The following SASS6 variants were observed in gnomAD, a reference collection of about 807,000 sequenced individuals.
SASS6 encodes the protein SAS-6 centriolar assembly protein, also known as spindle assembly abnormal protein 6 homolog.
A neutral mutation model predicts 94.9 loss-of-function variants in SASS6; 59 were observed. That is an observed-to-expected ratio of 0.62 (90% CI 0.50 to 0.77). The LOEUF (loss-of-function observed/expected upper bound fraction) is 0.77, where lower values mean the gene tolerates loss of function less well. Among genes scored for constraint, SASS6 ranks in the 30% least tolerant of loss-of-function variants. The pLI is 0.00. For synonymous variants in SASS6, 264 were observed against 270.0 expected, an observed-to-expected ratio of 0.98 and a Z score of 0.22; for missense variants, 698 against 734.1, an observed-to-expected ratio of 0.95 and a Z score of 0.57.
At chr1:100,094,129 T>C (rs1363192455) in intron 14 of SASS6, among the ~76,000 whole-genome samples, 1 of 152,134 alleles carries the variant, frequency 6.6e-6, no homozygotes, top group African/African-American at 2.4e-5. Context: ...AAAGAGAGGA[T>C]GTTACAGCAG....
intron 1 of SASS6, among the ~76,000 whole-genome samples, chr1:100,126,948 A>G (rs1253095921): frequency 6.6e-6 from 1 of 152,224 alleles, no homozygotes; most frequent in East Asian, 1.9e-4. Context: ...CCACAGAAGT[A>G]TTATCAACAA....
chr1:100,101,962 T>C (rs1165076883), intron 14 of SASS6, among the ~76,000 whole-genome samples: 1 of 152,208 alleles, frequency 6.6e-6, no homozygotes, highest in African/African-American at 2.4e-5. Flanking sequence ...ATTTTATCTT[T>C]TATACAATAT....
In SASS6 at chr1:100,105,832, T is replaced by G. The variant is rs747332016; in HGVS notation, c.1480A>C (p.Thr494Pro). The G allele has an allele frequency of 6.2e-7, 1 of 1,612,908 alleles. No homozygotes were observed. Among genetic ancestry groups the G allele is most frequent in the Admixed American group, 1.7e-5 (1 of 59,936 alleles). ...CTGCTGGAATGTGCAGGCGGAGTAG[T>G]AGAAGGTCCCAATACATCTTGCTTT... The part of the protein sequence containing the change: ...VRKQDVLGPS[T>P]TPPAHSSSNT... Residue 494 changes from threonine (T) to proline (P), a missense_variant, in exon 13 of 17, where the codon ACT becomes CCT. Thr to Pro is a conservative substitution (Grantham distance 38). Coordinates refer to ENST00000287482, the MANE Select transcript of SASS6 (RefSeq NM_194292.3).
intron 13 of SASS6, among the ~76,000 whole-genome samples, chr1:100,104,934 C>T (rs552930334): frequency 6.6e-6 from 1 of 152,024 alleles, no homozygotes; most frequent in African/African-American, 2.4e-5. Flanking sequence ...GCCTCGGCAA[C>T]AGAGTGAGGT....
chr1:100,132,731 T>C lies in SASS6; in HGVS notation c.65+19A>G. ...GACCCCAACCGCCACCCGCGGGCAC[T>C]GGATGACGCGGACCTTACCTCTCCT... On this transcript the variant is annotated intron_variant, in intron 1 of 16. Transcript: ENST00000287482. 6.2e-7 allele frequency: 1 copy of C among 1,608,704 alleles called. No individual in the cohort carries two copies. Among genetic ancestry groups the C allele is most frequent in the Non-Finnish European group, 8.5e-7 (1 of 1,175,376 alleles).
At chr1:100,094,759 G>A (rs142774225) in intron 14 of SASS6, among the ~76,000 whole-genome samples, 4 of 151,734 alleles carry the variant, frequency 2.6e-5, no homozygotes, top group Non-Finnish European at 2.9e-5. Context: ...CCAGCTACTC[G>A]GGAGGCTGCG....
At chr1:100,090,152 A>T (rs1651575383) in intron 14 of SASS6, among the ~76,000 whole-genome samples, 1 of 152,152 alleles carries the variant, frequency 6.6e-6, no homozygotes, top group South Asian at 2.1e-4. Flanking sequence ...ACTGGAAAGA[A>T]GGCAGGAAAA....
At chr1:100,118,969 G>A in intron 7 of SASS6, 49 bp downstream of exon 7, 1 of 1,363,654 alleles carries the variant, frequency 7.3e-7, no homozygotes. Flanking sequence ...TTAACAAAAT[G>A]ACTAACAGCA....
chr1:100,105,766 C>A lies in SASS6; in HGVS notation c.1545+1G>T. On this transcript the variant is annotated splice_donor_variant, in intron 13 of 16. Coordinates refer to ENST00000287482, the MANE Select transcript of SASS6 (RefSeq NM_194292.3). LOFTEE classifies it high-confidence loss of function. ...CACTCACATCTTGTTTTAAATCTTA[C>A]CACATTCAGGTTAGGAGAAATTCCA... The A allele has an allele frequency of 6.2e-7, 1 of 1,610,026 alleles. No homozygotes were observed. Among genetic ancestry groups the A allele is most frequent in the South Asian group, 1.1e-5 (1 of 90,184 alleles).
chr1:100,101,055 C>A (rs915275652), intron 14 of SASS6, among the ~76,000 whole-genome samples: 1 of 151,346 alleles, frequency 6.6e-6, no homozygotes, highest in African/African-American at 2.4e-5. Flanking sequence ...TAAGCAAATG[C>A]ATTAATTCAC....
rs764123099 is a variant in SASS6 at position 100,107,514 on chromosome 1, T to G, written c.1186A>C (p.Thr396Pro). Residue 396 changes from threonine (T) to proline (P), a missense_variant, in exon 11 of 17, where the codon ACT (threonine) becomes CCT (proline). Transcript: ENST00000287482. ...TTCAATTTCAACTTACCCATTAAAG[T>G]TTTCAGATCCCCTTGTAACTTCTTG... is the stretch of plus-strand genomic sequence containing the variant. Reference protein sequence around the residue: ...IIKKLQGDLKTLMGKLKLKNT... With the variant: ...IIKKLQGDLKPLMGKLKLKNT... 1 of 1,607,476 alleles carries G rather than the reference T, an allele frequency of 6.2e-7. No homozygotes were observed. The highest frequency in any genetic ancestry group is 1.7e-5 in the Admixed American group (1 of 59,544).
At chr1:100,103,190 G>A in intron 13 of SASS6, 107 bp from the exon 14 acceptor site, 1 of 666,572 alleles carries the variant, frequency 1.5e-6, no homozygotes, top group Non-Finnish European at 2.5e-6. Context: ...AATTAAGAGA[G>A]CACTATCTCA....
intron 1 of SASS6, among the ~76,000 whole-genome samples, chr1:100,131,255 A>ATC (rs370802550): frequency 0.13 from 20,253 of 151,656 alleles, 1,767 homozygotes; most frequent in African/African-American, 0.24. Context: ...CAGTGGCACA[A>ATC]ATAGTAGCTC....
chr1:100,130,045 T>C (rs1654885142), intron 1 of SASS6, among the ~76,000 whole-genome samples: 1 of 152,214 alleles, frequency 6.6e-6, no homozygotes, highest in Non-Finnish European at 1.5e-5. Context: ...TACCATGAAG[T>C]AGGTACTGTT....
At position 100,093,738 on chromosome 1, in the gene SASS6, G is replaced by A. The variant is rs1424593190; in HGVS notation, c.1675-5502C>T. Among the ~76,000 whole-genome samples the A allele has an allele frequency of 1.0e-3, 159 of 152,042 alleles. 1 individual carries two copies. Among genetic ancestry groups the A allele is most frequent in the Non-Finnish European group, 7.4e-5 (5 of 67,982 alleles). ...ATCATGCCACTGTACTCCAGTCTGGGGGACACAGTGTGACCCTGTCTCAAA... is the reference window on the plus strand; with the variant it reads ...ATCATGCCACTGTACTCCAGTCTGGAGGACACAGTGTGACCCTGTCTCAAA... On this transcript the variant is annotated intron_variant, in intron 14 of 16. Coordinates refer to ENST00000287482, the MANE Select transcript of SASS6 (RefSeq NM_194292.3).
chr1:100,132,722 C>T (rs771024913), intron 1 of SASS6, 28 bp downstream of exon 1: 3 of 1,600,102 alleles, frequency 1.9e-6, no homozygotes, highest in South Asian at 1.1e-5. Context: ...AACCGCCACC[C>T]GCGGGCACTG....
intron 14 of SASS6, among the ~76,000 whole-genome samples, chr1:100,102,354 T>C (rs912771057): frequency 6.6e-6 from 1 of 151,636 alleles, no homozygotes; most frequent in African/African-American, 2.4e-5. Flanking sequence ...CCTGAGAGCG[T>C]AGGAGACACA....
At chr1:100,122,570 T>C (rs1654283792) in intron 3 of SASS6, 86 bp from the exon 4 acceptor site, 2 of 539,346 alleles carry the variant, frequency 3.7e-6, no homozygotes, top group Non-Finnish European at 6.4e-6. Context: ...TTTTTTTTTT[T>C]GAGATAGAGG....
chr1:100,096,806 G>C (rs1158933107), intron 14 of SASS6, among the ~76,000 whole-genome samples: 5 of 152,114 alleles, frequency 3.3e-5, no homozygotes, highest in African/African-American at 1.2e-4. Flanking sequence ...TAGGTTTTAG[G>C]GAAATGCAAA....
Sources: gnomAD v4.1 joint callset for allele counts (sites outside exome capture counted in the v4.1 genomes callset) on GRCh38, gnomAD v4.1.1 for gene constraint, MANE v1.5 for transcripts, NCBI Gene and HGNC (gene_info 2026-07-23, HGNC 2026-07-21) for gene names.